Variants in ADGRB3 observed in about 807,000 individuals in gnomAD.
ADGRB3 encodes brain-specific angiogenesis inhibitor 3.
A neutral mutation model predicts 193.4 loss-of-function variants in ADGRB3; 37 were observed. The observed-to-expected ratio is 0.19, with a 90% CI of 0.15 to 0.25. ADGRB3 has a LOEUF of 0.25. Ranked by LOEUF, ADGRB3 falls within the 10% of genes least tolerant of loss-of-function variation. The probability of loss-of-function intolerance (pLI) is 1.00; values close to 1 mark genes in which losing one functional copy is unlikely to be tolerated. For missense variants in ADGRB3, 1,637 were observed against 1,852.9 expected (o/e 0.88, Z 2.14); for synonymous variants, 690 against 644.2 (o/e 1.07, Z -1.08).
chr6:68,905,045 A>G (rs1262223544), intron 3 of ADGRB3, among the ~76,000 whole-genome samples: 1 of 152,224 alleles, frequency 6.6e-6, no homozygotes, highest in Non-Finnish European at 1.5e-5. Context: ...TGGACTGCCA[A>G]CTTGGCTCAT....
At chr6:68,655,238 A>G (rs1030695303) in intron 3 of ADGRB3, among the ~76,000 whole-genome samples, 1 of 151,552 alleles carries the variant, frequency 6.6e-6, no homozygotes, top group African/African-American at 2.4e-5. Context: ...TCCAGTCCCA[A>G]TTTCCAGCTC....
chr6:68,773,258 G>T (rs1368750353), intron 3 of ADGRB3, among the ~76,000 whole-genome samples: 1 of 152,078 alleles, frequency 6.6e-6, no homozygotes, highest in Admixed American at 6.6e-5. Flanking sequence ...TGCCCAATTT[G>T]TAAGTGGCAG....
chr6:69,371,477 G>A lies in ADGRB3; in HGVS notation c.4240-929G>A, dbSNP rs570578849. Among the ~76,000 whole-genome samples the A allele has an allele frequency of 3.1e-4, 47 of 152,032 alleles. No individual in the cohort carries two copies. In the South Asian group the frequency reaches 3.3e-3, roughly 11 times the overall value. ...AAAACAAAATTTTGCCCAAAGGTTT[G>A]TATATTTTTCCAACTGCCTGAATAT... is the stretch of plus-strand genomic sequence containing the variant. On this transcript the variant is annotated intron_variant, in intron 29 of 31. Transcript: ENST00000370598.
chr6:68,914,952 C>G (rs1346060583), intron 3 of ADGRB3, among the ~76,000 whole-genome samples: 2 of 152,094 alleles, frequency 1.3e-5, no homozygotes, highest in Non-Finnish European at 2.9e-5. Context: ...GAACTGACAG[C>G]TAAGATTATA....
intron 17 of ADGRB3, among the ~76,000 whole-genome samples, chr6:69,132,582 C>T (rs1354538613): frequency 6.6e-6 from 1 of 151,908 alleles, no homozygotes; most frequent in South Asian, 2.1e-4. Flanking sequence ...GGCTGCCTGT[C>T]CACTCTAATG....
chr6:68,983,850 G>A (rs865887607), intron 10 of ADGRB3, among the ~76,000 whole-genome samples: 4 of 152,132 alleles, frequency 2.6e-5, no homozygotes, highest in Non-Finnish European at 2.9e-5. Context: ...ATAAAAAACA[G>A]TGAGGTCTCT....
rs1365948896 is a variant in ADGRB3, at chr6:68,841,555, A to G, written c.758-89004A>G. Among the ~76,000 whole-genome samples the G allele has an allele frequency of 2.0e-5, 3 of 152,312 alleles. No homozygotes were observed. In the East Asian group the frequency reaches 5.8e-4, roughly 29 times the overall value. On this transcript the variant is annotated intron_variant, in intron 3 of 31. Transcript: ENST00000370598. ...AGAAGAGAATTTAAAAATCTCTTTA[A>G]ACAAATGGTAATGGAAACACAACAT...
chr6:68,925,981 T>C (rs1280837034), intron 3 of ADGRB3, among the ~76,000 whole-genome samples: 1 of 152,092 alleles, frequency 6.6e-6, no homozygotes. Context: ...TGAATATTTA[T>C]GGATAATAAC....
intron 6 of ADGRB3, among the ~76,000 whole-genome samples, chr6:68,949,661 A>T (rs1767864099): frequency 6.6e-6 from 1 of 152,132 alleles, no homozygotes; most frequent in Admixed American, 6.6e-5. Flanking sequence ...TTTGTAACTC[A>T]AATACTGCCT....
At chr6:68,825,558 G>C (rs536253305) in intron 3 of ADGRB3, among the ~76,000 whole-genome samples, 1 of 152,260 alleles carries the variant, frequency 6.6e-6, no homozygotes, top group Admixed American at 6.5e-5. Context: ...GTTAGGCTTC[G>C]TGTCCCCACC....
intron 20 of ADGRB3, among the ~76,000 whole-genome samples, chr6:69,322,627 A>T (rs1014390544): frequency 6.6e-6 from 1 of 151,886 alleles, no homozygotes; most frequent in Non-Finnish European, 1.5e-5. Flanking sequence ...AGCATTTTTC[A>T]TACACTTGTT....
rs200501036 is a variant in ADGRB3, at chr6:68,974,745, C to T, written c.1526-18C>T. 23 of 1,610,156 alleles carry T rather than the reference C, an allele frequency of 1.4e-5. No homozygotes were observed. The highest frequency in any genetic ancestry group is 3.3e-4 in the Middle Eastern group (2 of 6,064). On this transcript the variant is annotated intron_variant, in intron 8 of 31. Coordinates refer to ENST00000370598, the MANE Select transcript of ADGRB3 (RefSeq NM_001704.3). Reference sequence around the variant, plus strand: ...TTAAACACTACTGACATTCAAGTCCCTTTGTTTAAAATTGCAGCACCTTAT... The same window carrying T: ...TTAAACACTACTGACATTCAAGTCCTTTTGTTTAAAATTGCAGCACCTTAT...
At chr6:69,152,052 A>G (rs1011976953) in intron 17 of ADGRB3, among the ~76,000 whole-genome samples, 1 of 152,222 alleles carries the variant, frequency 6.6e-6, no homozygotes, top group South Asian at 2.1e-4. Context: ...AGGTCTCCCC[A>G]GCCATGCTGA....
intron 20 of ADGRB3, among the ~76,000 whole-genome samples, chr6:69,291,002 T>C (rs937816961): frequency 6.6e-6 from 1 of 152,204 alleles, no homozygotes; most frequent in African/African-American, 2.4e-5. Flanking sequence ...TATCTGATTA[T>C]ATAGACAGAA....
At chr6:68,736,514 G>T (rs1367703870) in intron 3 of ADGRB3, among the ~76,000 whole-genome samples, 2 of 152,064 alleles carry the variant, frequency 1.3e-5, no homozygotes, top group Non-Finnish European at 2.9e-5. Context: ...TTACTGTTCT[G>T]TGTAAGATTT....
At chr6:69,110,807 G>T (rs1773346934) in intron 17 of ADGRB3, among the ~76,000 whole-genome samples, 1 of 152,094 alleles carries the variant, frequency 6.6e-6, no homozygotes, top group African/African-American at 2.4e-5. Flanking sequence ...TCTTAAGGTT[G>T]ATATTTGTTA....
chr6:68,980,377 G>T (rs1461824381), intron 10 of ADGRB3, among the ~76,000 whole-genome samples: 2 of 151,458 alleles, frequency 1.3e-5, no homozygotes, highest in Non-Finnish European at 3.0e-5. Context: ...GAGAGACAAA[G>T]AAACTGAGAC....
chr6:69,216,168 T>G (rs1354625810), intron 17 of ADGRB3, among the ~76,000 whole-genome samples: 1 of 152,120 alleles, frequency 6.6e-6, no homozygotes, highest in Non-Finnish European at 1.5e-5. Context: ...GGTAGGCACT[T>G]TATTTGTTAA....
intron 17 of ADGRB3, among the ~76,000 whole-genome samples, chr6:69,135,676 G>A (rs915122036): frequency 6.6e-6 from 1 of 151,888 alleles, no homozygotes; most frequent in African/African-American, 2.4e-5. Context: ...CATACCAAAG[G>A]ACCAATTTCA....
Sources: allele counts gnomAD v4.1 joint callset (sites outside exome capture counted in the v4.1 genomes callset), GRCh38; gene constraint gnomAD v4.1.1; transcripts MANE v1.5; gene names NCBI Gene and HGNC (gene_info 2026-07-23, HGNC 2026-07-21).